MOB1B: variants seen among roughly 807,000 people sequenced by gnomAD.
MOB1B encodes MOB kinase activator 1B.
Under a neutral mutation model 24.4 loss-of-function variants are expected in MOB1B, and 19 were observed. The ratio of observed to expected loss-of-function variants is 0.78; its 90% CI spans 0.54 to 1.14. The LOEUF is 1.14. MOB1B is among the 50% of genes most tolerant of loss of function. The pLI, the probability that MOB1B is intolerant of heterozygous loss-of-function variation, is 0.00. For missense variants in MOB1B, 243 were observed against 259.6 expected (o/e 0.94, Z 0.44); for synonymous variants, 76 against 82.1 (o/e 0.93, Z 0.40).
At chr4:70,977,726 C>T (rs1255587131) in intron 4 of MOB1B, among the ~76,000 whole-genome samples, 2 of 152,004 alleles carry the variant, frequency 1.3e-5, no homozygotes, top group Non-Finnish European at 2.9e-5. Flanking sequence ...GGGTCTCACT[C>T]TGTTGCCAAG....
At chr4:70,940,558 G>C (rs1002928451) in intron 1 of MOB1B, among the ~76,000 whole-genome samples, 1 of 152,094 alleles carries the variant, frequency 6.6e-6, no homozygotes, top group Non-Finnish European at 1.5e-5. Context: ...ATGAATCTCT[G>C]TCCATGTATC....
chr4:70,907,405 CTT>C lies in MOB1B; in HGVS notation c.14+4858_14+4859del, dbSNP rs1202848962. ...TCTAGCATTTTTAAATTATGGGTCT[CTT>C]TTGACTAATGGAATTCTGAAAAAAA... On this transcript the variant is annotated intron_variant, in intron 1 of 5. Coordinates refer to ENST00000309395, the MANE Select transcript of MOB1B (RefSeq NM_173468.4). Among the ~76,000 whole-genome samples, 3 of 151,792 alleles carry C rather than the reference CTT, an allele frequency of 2.0e-5. No homozygotes were observed. In the East Asian group the frequency reaches 5.8e-4, roughly 29 times the overall value.
intron 1 of MOB1B, chr4:70,958,539 T>C (rs1560655791): frequency 2.8e-6 from 1 of 358,054 alleles, no homozygotes. Context: ...CTATATTTCT[T>C]TTAAGAAGGA....
At chr4:70,904,405 A>G (rs1209286855) in intron 1 of MOB1B, among the ~76,000 whole-genome samples, 1 of 152,124 alleles carries the variant, frequency 6.6e-6, no homozygotes, top group African/African-American at 2.4e-5. Flanking sequence ...GCTGTATTCA[A>G]AATAGCACTG....
intron 1 of MOB1B, among the ~76,000 whole-genome samples, chr4:70,957,188 A>C (rs13137398): frequency 1.4e-5 from 2 of 145,944 alleles, no homozygotes; most frequent in Non-Finnish European, 3.0e-5. Flanking sequence ...ATAACATTAA[A>C]GTTTTCCCAC....
At chr4:70,939,268 A>C (rs943779889) in intron 1 of MOB1B, among the ~76,000 whole-genome samples, 2 of 152,236 alleles carry the variant, frequency 1.3e-5, no homozygotes, top group African/African-American at 2.4e-5. Context: ...ACTCAAAGTC[A>C]CAATAAAGTG....
chr4:70,913,918 CTTTTT>C, intron 1 of MOB1B, among the ~76,000 whole-genome samples: 1 of 147,558 alleles, frequency 6.8e-6, no homozygotes, highest in Non-Finnish European at 1.5e-5. Context: ...GGAATTTACT[CTTTTT>C]TTTTTTAATA....
At chr4:70,907,954 C>T in intron 1 of MOB1B, among the ~76,000 whole-genome samples, 1 of 152,164 alleles carries the variant, frequency 6.6e-6, no homozygotes, top group South Asian at 2.1e-4. Flanking sequence ...CTACAGTTAA[C>T]TTATAAATGA....
Position 70,975,345 on chromosome 4 carries a change from A to C in MOB1B, c.409+59A>C, listed in dbSNP as rs757384662. 3 of 1,588,470 alleles carry C rather than the reference A, an allele frequency of 1.9e-6. No individual in the cohort carries two copies. The African/African-American group carries it at 4.1e-5, about 22-fold the overall frequency. ...GATTTATCTTTTATATGTTTATAGA[A>C]TTTTCCTCCCTCTTTCCACTATATC... On this transcript the variant is annotated intron_variant, in intron 4 of 5. Transcript: ENST00000309395.
chr4:70,971,623 C>T (rs147375776), intron 3 of MOB1B, among the ~76,000 whole-genome samples: 2 of 152,148 alleles, frequency 1.3e-5, no homozygotes, highest in East Asian at 3.9e-4. Context: ...GGAACGGGGG[C>T]ATTTAGAAAT....
intron 1 of MOB1B, among the ~76,000 whole-genome samples, chr4:70,941,367 A>T (rs1737330402): frequency 1.3e-5 from 2 of 152,076 alleles, no homozygotes; most frequent in Admixed American, 1.3e-4. Flanking sequence ...TTTGAGACGG[A>T]GTCTCGCTCT....
chr4:70,939,480 C>T (rs1737239749), intron 1 of MOB1B, among the ~76,000 whole-genome samples: 1 of 152,168 alleles, frequency 6.6e-6, no homozygotes, highest in Non-Finnish European at 1.5e-5. Flanking sequence ...GTCAGGAGTT[C>T]AAGACCAGCC....
At position 70,979,267 on chromosome 4, in the gene MOB1B, C is replaced by G. The variant is rs1267478332; in HGVS notation, c.549C>G (p.Phe183Leu). The G allele has an allele frequency of 1.9e-6, 3 of 1,613,522 alleles. No homozygotes were observed. The highest frequency in any genetic ancestry group is 2.5e-6 in the Non-Finnish European group (3 of 1,179,832). Residue 183 changes from phenylalanine to leucine, a missense_variant, in exon 5 of 6, where the codon TTC (phenylalanine) becomes TTG (leucine). By Grantham distance (22) the Phe-to-Leu change is conservative. Transcript: ENST00000309395. ...AGGAAGCACATCTAAATACATCTTT[C>G]AAGCACTTTATTTTTTTTGTCCAGG... Reference protein sequence around the residue: ...LQEEAHLNTSFKHFIFFVQEF... With the variant: ...LQEEAHLNTSLKHFIFFVQEF...
chr4:70,974,103 C>T (rs1048552966), intron 3 of MOB1B, among the ~76,000 whole-genome samples: 1 of 151,960 alleles, frequency 6.6e-6, no homozygotes, highest in African/African-American at 2.4e-5. Context: ...TTTGGAGTTT[C>T]ACCTGTATGC....
At chr4:70,902,872 C>T (rs574297148) in intron 1 of MOB1B, among the ~76,000 whole-genome samples, 1 of 152,192 alleles carries the variant, frequency 6.6e-6, no homozygotes, top group East Asian at 1.9e-4. Flanking sequence ...CTTGTTTGTG[C>T]GCTTCTCGTG....
chr4:70,957,555 C>T (rs6852179), intron 1 of MOB1B, among the ~76,000 whole-genome samples: 7,997 of 151,810 alleles, frequency 0.053, 431 homozygotes, highest in African/African-American at 0.14. Flanking sequence ...TGGCTTCAGC[C>T]TCCTTAGTCC....
chr4:70,978,572 A>T (rs2148904195), intron 4 of MOB1B, among the ~76,000 whole-genome samples: 1 of 152,338 alleles, frequency 6.6e-6, no homozygotes, highest in East Asian at 1.9e-4. Context: ...TCTTCTCCAC[A>T]GGGATTTTCT....
intron 4 of MOB1B, chr4:70,975,729 A>G: frequency 2.0e-6 from 2 of 978,242 alleles, no homozygotes; most frequent in African/African-American, 1.7e-5. Flanking sequence ...AAGCCCTTTC[A>G]GTAGAAAGTT....
chr4:70,941,534 G>A (rs1737340647), intron 1 of MOB1B, among the ~76,000 whole-genome samples: 1 of 151,906 alleles, frequency 6.6e-6, no homozygotes, highest in South Asian at 2.1e-4. Flanking sequence ...GTAGAGACGG[G>A]GTTTCACTGT....
Sources: gnomAD v4.1 joint callset for allele counts (sites outside exome capture counted in the v4.1 genomes callset) on GRCh38, gnomAD v4.1.1 for gene constraint, MANE v1.5 for transcripts, NCBI Gene and HGNC (gene_info 2026-07-23, HGNC 2026-07-21) for gene names.